Variants in ROBO2 observed in about 807,000 individuals in gnomAD.
The protein encoded by ROBO2 is roundabout homolog 2.
In ROBO2, 53 loss-of-function variants were observed where a neutral mutation model predicts 160.8. The ratio of observed to expected loss-of-function variants is 0.33; its 90% confidence interval spans 0.26 to 0.41. The LOEUF (loss-of-function observed/expected upper bound fraction) is 0.41. ROBO2 is among the 10% of genes least tolerant of loss of function. The pLI is 1.00. For synonymous variants in ROBO2, 664 were observed against 611.7 expected, an observed-to-expected ratio of 1.09 and a Z score of -1.26; for missense variants, 1,577 against 1,722.4, an observed-to-expected ratio of 0.92 and a Z score of 1.49.
Position 76,822,717 on chromosome 3 carries a change from T to C in ROBO2, c.110-275297T>C, listed in dbSNP as rs374702904. Among the ~76,000 whole-genome samples the C allele has an allele frequency of 2.0e-5, 3 of 151,326 alleles. No homozygotes were observed. In the East Asian group the frequency reaches 5.8e-4, roughly 29 times the overall value. On this transcript the variant is annotated intron_variant, in intron 2 of 26. Coordinates refer to the ROBO2 transcript ENST00000487694. ...TATGCCAGGTATAAAGTGTGGTAGA[T>C]TATGAATTAAAAAAAAAAGAAATGT...
At chr3:76,897,008 A>G (rs552241703) in intron 2 of ROBO2, among the ~76,000 whole-genome samples, 1 of 152,278 alleles carries the variant, frequency 6.6e-6, no homozygotes, top group East Asian at 1.9e-4. Context: ...AGTTGTCAGC[A>G]CTGTGTGTGA....
At chr3:75,924,519 C>A (rs1252522327) in intron 1 of ROBO2, among the ~76,000 whole-genome samples, 1 of 151,742 alleles carries the variant, frequency 6.6e-6, no homozygotes, top group Non-Finnish European at 1.5e-5. Flanking sequence ...CTTCTGACCC[C>A]CAGAAGTATA....
At chr3:76,740,941 T>A (rs2093792132) in intron 2 of ROBO2, among the ~76,000 whole-genome samples, 1 of 152,128 alleles carries the variant, frequency 6.6e-6, no homozygotes. Flanking sequence ...ACTTGCCTTA[T>A]CTTATCCTTA....
At chr3:76,928,339 G>A (rs2077114290) in intron 2 of ROBO2, among the ~76,000 whole-genome samples, 1 of 152,102 alleles carries the variant, frequency 6.6e-6, no homozygotes, top group Non-Finnish European at 1.5e-5. Flanking sequence ...TAGCCTAGTA[G>A]TATCTGTGTG....
At chr3:76,523,551 T>C (rs2081760400) in intron 2 of ROBO2, among the ~76,000 whole-genome samples, 1 of 152,176 alleles carries the variant, frequency 6.6e-6, no homozygotes, top group East Asian at 1.9e-4. Context: ...CAAACTTCTC[T>C]GATGTAGTAT....
chr3:77,039,039 C>T (rs2063812746), upstream of ROBO2, among the ~76,000 whole-genome samples: 1 of 152,186 alleles, frequency 6.6e-6, no homozygotes, highest in East Asian at 1.9e-4. Flanking sequence ...CCTGCGCGAT[C>T]GCGCATCAAA....
chr3:76,238,872 T>C (rs1034968198), intron 2 of ROBO2, among the ~76,000 whole-genome samples: 5 of 152,226 alleles, frequency 3.3e-5, no homozygotes, highest in African/African-American at 1.2e-4. Context: ...TATCACTGAC[T>C]AGACCTCACT....
chr3:76,067,023 C>T (rs2068276262), intron 2 of ROBO2, among the ~76,000 whole-genome samples: 3 of 152,098 alleles, frequency 2.0e-5, no homozygotes, highest in Admixed American at 6.6e-5. Context: ...TGGACAAATA[C>T]GAGTCTCCAG....
intron 2 of ROBO2, among the ~76,000 whole-genome samples, chr3:76,602,269 C>A (rs1234256710): frequency 6.6e-6 from 1 of 152,148 alleles, no homozygotes; most frequent in Admixed American, 6.5e-5. Flanking sequence ...ATTTTCCTGT[C>A]TTCTTCTAAG....
intron 23 of ROBO2, 111 bp from the exon 25 acceptor site, chr3:77,634,757 CAT>C (rs539434326): frequency 5.1e-6 from 5 of 987,864 alleles, no homozygotes; most frequent in Admixed American, 1.7e-5. Flanking sequence ...TTGGTATCTT[CAT>C]ATGTTATCTC....
intron 2 of ROBO2, among the ~76,000 whole-genome samples, chr3:76,283,246 G>A (rs905914413): frequency 8.2e-5 from 12 of 145,490 alleles, no homozygotes; most frequent in African/African-American, 2.2e-4. Context: ...ACATATTTAC[G>A]CTGTCTTATT....
At chr3:76,019,708 A>G (rs889369006) in intron 2 of ROBO2, among the ~76,000 whole-genome samples, 3 of 150,694 alleles carry the variant, frequency 2.0e-5, no homozygotes, top group African/African-American at 7.3e-5. Context: ...GCCTCCCAAC[A>G]TGGTTAGGTT....
chr3:76,008,652 C>T (rs1026847007), intron 2 of ROBO2, among the ~76,000 whole-genome samples: 7 of 152,142 alleles, frequency 4.6e-5, no homozygotes, highest in African/African-American at 1.7e-4. Flanking sequence ...CATCAAATGA[C>T]CACCCTCTCA....
At chr3:75,999,524 G>A (rs1020707526) in intron 2 of ROBO2, among the ~76,000 whole-genome samples, 1 of 152,078 alleles carries the variant, frequency 6.6e-6, no homozygotes, top group Admixed American at 6.6e-5. Flanking sequence ...AGCCATAGGA[G>A]TTTAATATTA....
intron 2 of ROBO2, among the ~76,000 whole-genome samples, chr3:76,722,378 C>A (rs1422646607): frequency 6.6e-6 from 1 of 152,024 alleles, no homozygotes; most frequent in Non-Finnish European, 1.5e-5. Context: ...TCTCAGCCTC[C>A]CAAAGTGCTA....
At chr3:77,337,898 C>T (rs753855942) in intron 2 of ROBO2, among the ~76,000 whole-genome samples, 1 of 152,100 alleles carries the variant, frequency 6.6e-6, no homozygotes, top group Non-Finnish European at 1.5e-5. Context: ...TGGCAGAAAA[C>T]ATTCCAGCTT....
chr3:76,027,801 T>C (rs2066793746), intron 2 of ROBO2, among the ~76,000 whole-genome samples: 1 of 151,970 alleles, frequency 6.6e-6, no homozygotes, highest in African/African-American at 2.4e-5. Context: ...GTTCTTGTAC[T>C]AAAAAGTTAT....
chr3:77,216,912 G>C (rs1271432846), intron 2 of ROBO2, among the ~76,000 whole-genome samples: 1 of 151,934 alleles, frequency 6.6e-6, no homozygotes, highest in African/African-American at 2.4e-5. Flanking sequence ...GTGTCAGATA[G>C]ATTAGGGAGA....
intron 2 of ROBO2, among the ~76,000 whole-genome samples, chr3:76,747,982 T>G (rs1258479379): frequency 6.6e-6 from 1 of 151,966 alleles, no homozygotes; most frequent in African/African-American, 2.4e-5. Flanking sequence ...AGGGATTTGG[T>G]TTGGAAACTC....
Sources: allele counts gnomAD v4.1 joint callset (sites outside exome capture counted in the v4.1 genomes callset), GRCh38; gene constraint gnomAD v4.1.1; transcripts MANE v1.5; gene names NCBI Gene and HGNC (gene_info 2026-07-23, HGNC 2026-07-21).